The following HMGN5 variants were observed in gnomAD, a reference collection of about 807,000 sequenced individuals.
HMGN5 encodes the protein high mobility group nucleosome binding domain 5, also known as high mobility group nucleosome-binding domain-containing protein 5.
Under a neutral mutation model 9.5 loss-of-function variants are expected in HMGN5, and 4 were observed. The observed-to-expected ratio is 0.42, with a 90% CI of 0.21 to 0.96. The LOEUF (loss-of-function observed/expected upper bound fraction) is 0.96. Ranked by LOEUF, HMGN5 falls within the 40% of genes least tolerant of loss-of-function variation. The pLI, the probability that HMGN5 is intolerant of heterozygous loss-of-function variation, is 0.30. For missense variants in HMGN5, 192 were observed against 187.5 expected (o/e 1.02, Z -0.14); for synonymous variants, 55 against 57.1 (o/e 0.96, Z 0.16).
At chrX:81,121,056 G>C (rs2075266917) in intron 2 of HMGN5, among the ~76,000 whole-genome samples, 1 of 108,623 alleles carries the variant, frequency 9.2e-6, no homozygotes, top group African/African-American at 3.4e-5. Flanking sequence ...AAGTGGAGGA[G>C]GAGGGAAGGA....
intron 1 of HMGN5, among the ~76,000 whole-genome samples, chrX:81,143,357 CAA>C (rs766689925): frequency 4.5e-5 from 5 of 111,902 alleles, no homozygotes; most frequent in African/African-American, 1.6e-4. Context: ...AATGAAAAAA[CAA>C]GAACCAGGGG....
intron 1 of HMGN5, among the ~76,000 whole-genome samples, chrX:81,185,862 A>G (rs1403894578): frequency 9.0e-6 from 1 of 111,678 alleles, no homozygotes; most frequent in Non-Finnish European, 1.9e-5. Flanking sequence ...TTTAGCATCA[A>G]TTGAAATAAT....
At chrX:81,142,558 G>C (rs1400871468) in intron 1 of HMGN5, among the ~76,000 whole-genome samples, 2 of 111,520 alleles carry the variant, frequency 1.8e-5, no homozygotes, top group African/African-American at 6.5e-5. Flanking sequence ...TGCCAGGAGA[G>C]ATTGACATGA....
At chrX:81,119,611 T>C (rs560395757) in intron 3 of HMGN5, among the ~76,000 whole-genome samples, 177 bp downstream of exon 3, 1 of 112,281 alleles carries the variant, frequency 8.9e-6, no homozygotes, top group South Asian at 3.6e-4. Context: ...AATGGCAATT[T>C]TAAAAAGTCC....
intron 1 of HMGN5, among the ~76,000 whole-genome samples, chrX:81,174,227 G>GT (rs2075434923): frequency 9.0e-6 from 1 of 110,783 alleles, no homozygotes; most frequent in South Asian, 3.8e-4. Context: ...CTGTTAAGCT[G>GT]TTTTTAAAAT....
intron 1 of HMGN5, among the ~76,000 whole-genome samples, chrX:81,152,690 G>T (rs1042152190): frequency 1.8e-5 from 2 of 110,352 alleles, no homozygotes; most frequent in African/African-American, 6.6e-5. Flanking sequence ...AAAGACACAT[G>T]CACACGTATG....
chrX:81,201,194 A>G (rs1238757535), intron 1 of HMGN5, among the ~76,000 whole-genome samples: 1 of 108,484 alleles, frequency 9.2e-6, no homozygotes, highest in Non-Finnish European at 1.9e-5. Flanking sequence ...ACTCCTCTCC[A>G]CTCTCATTCA....
chrX:81,158,882 G>T (rs1862602533), intron 1 of HMGN5, among the ~76,000 whole-genome samples: 1 of 110,962 alleles, frequency 9.0e-6, no homozygotes, highest in African/African-American at 3.3e-5. Context: ...CTCATTACTG[G>T]GTATATATCC....
At chrX:81,125,884 G>A (rs983158652) in intron 1 of HMGN5, among the ~76,000 whole-genome samples, 5 of 110,895 alleles carry the variant, frequency 4.5e-5, no homozygotes, top group South Asian at 3.8e-4. Flanking sequence ...GTGGTGGCTC[G>A]CGTCTGTAAT....
At chrX:81,189,757 T>G (rs772447983) in intron 1 of HMGN5, among the ~76,000 whole-genome samples, 2 of 112,159 alleles carry the variant, frequency 1.8e-5, no homozygotes, top group African/African-American at 6.5e-5. Flanking sequence ...GCAGCATGAT[T>G]GCTGGGTAAT....
chrX:81,171,406 TCAGGTAG>T (rs1359816896), intron 1 of HMGN5, among the ~76,000 whole-genome samples: 1 of 111,833 alleles, frequency 8.9e-6, no homozygotes, highest in Non-Finnish European at 1.9e-5. Flanking sequence ...TCTGAATGTG[TCAGGTAG>T]CAGGTCAATT....
intron 1 of HMGN5, among the ~76,000 whole-genome samples, chrX:81,173,023 T>A (rs1030369733): frequency 1.8e-5 from 2 of 111,485 alleles, no homozygotes; most frequent in Admixed American, 9.5e-5. Context: ...ACAATCCTAC[T>A]AGAATTTATG....
At chrX:81,148,428 A>G (rs758297909) in intron 1 of HMGN5, among the ~76,000 whole-genome samples, 16 of 111,865 alleles carry the variant, frequency 1.4e-4, no homozygotes, top group African/African-American at 4.5e-4. Flanking sequence ...GGCTAGCCAT[A>G]TGCAGAAAGC....
chrX:81,143,856 C>A (rs1435284112), intron 1 of HMGN5, among the ~76,000 whole-genome samples: 1 of 111,940 alleles, frequency 8.9e-6, no homozygotes, highest in Non-Finnish European at 1.9e-5. Context: ...GACAGTTTTA[C>A]CCTCACCATG....
At chrX:81,136,550 TCAAAAA>T (rs2075311602) in intron 1 of HMGN5, among the ~76,000 whole-genome samples, 1 of 110,687 alleles carries the variant, frequency 9.0e-6, no homozygotes, top group Admixed American at 9.6e-5. Flanking sequence ...AAATATGCAC[TCAAAAA>T]CAAAAACACT....
Position 81,121,652 on chromosome X carries a change from C to T in HMGN5, c.-103G>A, listed in dbSNP as rs1199050875. On this transcript the variant is annotated 5_prime_UTR_variant, in exon 2 of 7. Transcript: ENST00000358130. ...AAATGAGTTTTCAATGAACTAACTG[C>T]AGCACGACCTGTACTCTCCTCTGGA... 2 of 558,163 alleles carry T rather than the reference C, an allele frequency of 3.6e-6. No homozygotes were observed. The highest frequency in any genetic ancestry group is 5.8e-6 in the Non-Finnish European group (2 of 343,228). The allele number at this position is 558,163 out of a possible 1,213,427, so 46.0% of individuals were successfully genotyped here.
intron 1 of HMGN5, among the ~76,000 whole-genome samples, chrX:81,187,363 A>G (rs2075480518): frequency 9.0e-6 from 1 of 111,598 alleles, no homozygotes. Context: ...TATTTGTTTT[A>G]TATATCTGGG....
At chrX:81,162,812 CT>C (rs1283991753) in intron 1 of HMGN5, among the ~76,000 whole-genome samples, 1 of 111,119 alleles carries the variant, frequency 9.0e-6, no homozygotes. Context: ...ACTTAGAGGT[CT>C]TGGAGGAGGG....
intron 1 of HMGN5, among the ~76,000 whole-genome samples, chrX:81,195,858 G>A (rs1170146402): frequency 8.9e-6 from 1 of 111,802 alleles, no homozygotes; most frequent in Non-Finnish European, 1.9e-5. Context: ...TCTTAAGTCC[G>A]GCGCTTCAAA....
Sources: gnomAD v4.1 joint callset for allele counts (sites outside exome capture counted in the v4.1 genomes callset) on GRCh38, gnomAD v4.1.1 for gene constraint, MANE v1.5 for transcripts, NCBI Gene and HGNC (gene_info 2026-07-23, HGNC 2026-07-21) for gene names.